Variants in AKAIN1 observed in about 807,000 individuals in gnomAD.
AKAIN1 encodes the protein A-kinase anchor inhibitor 1, also known as A-kinase anchor protein inhibitor 1.
A neutral mutation model predicts 3.7 loss-of-function variants in AKAIN1; 3 were observed. That is an observed-to-expected ratio of 0.82 (90% CI 0.37 to 2.12). The LOEUF is 2.12. AKAIN1 is among the 30% of genes most tolerant of loss of function. The pLI is 0.06. For missense variants in AKAIN1, 82 were observed against 82.7 expected (o/e 0.99, Z 0.03); for synonymous variants, 31 against 30.8 (o/e 1.01, Z -0.02).
intron 1 of AKAIN1, among the ~76,000 whole-genome samples, chr18:5,183,696 C>T (rs748055113): frequency 7.9e-5 from 12 of 152,104 alleles, no homozygotes; most frequent in Non-Finnish European, 5.9e-5. Flanking sequence ...TATAAAGTTA[C>T]TGCAAACACT....
rs2071037926 is a variant in AKAIN1, at chr18:5,144,533, T to G, written c.*1029A>C. On this transcript the variant is annotated 3_prime_UTR_variant, in exon 2 of 2. Transcript: ENST00000434239. ...ATCTCTGTCACTGCATTCAAAACAC[T>G]GTCACTTTACTGTCCCCATTGTGTT... Among the ~76,000 whole-genome samples, 1 of 152,230 alleles carries G rather than the reference T, an allele frequency of 6.6e-6. No homozygotes were observed. The highest frequency in any genetic ancestry group is 2.4e-5 in the African/African-American group (1 of 41,468).
intron 1 of AKAIN1, among the ~76,000 whole-genome samples, chr18:5,153,188 T>C (rs532249985): frequency 1.3e-5 from 2 of 152,304 alleles, no homozygotes; most frequent in East Asian, 3.9e-4. Flanking sequence ...ATTTAAATGA[T>C]ACAATATTAC....
chr18:5,155,861 G>A (rs897057509), intron 1 of AKAIN1, among the ~76,000 whole-genome samples: 1 of 152,200 alleles, frequency 6.6e-6, no homozygotes, highest in African/African-American at 2.4e-5. Flanking sequence ...CCTCTGCTAT[G>A]TCCTAGTGGT....
intron 1 of AKAIN1, among the ~76,000 whole-genome samples, chr18:5,193,582 G>A (rs980313112): frequency 6.6e-6 from 1 of 152,140 alleles, no homozygotes; most frequent in Non-Finnish European, 1.5e-5. Context: ...GTACTGAAAA[G>A]GCATTTGAAT....
chr18:5,158,185 A>T (rs2071119294), intron 1 of AKAIN1, among the ~76,000 whole-genome samples: 1 of 152,198 alleles, frequency 6.6e-6, no homozygotes, highest in African/African-American at 2.4e-5. Flanking sequence ...AGTATGGTTC[A>T]ATGAGTGGCT....
intron 1 of AKAIN1, among the ~76,000 whole-genome samples, chr18:5,191,723 T>C (rs140782225): frequency 1.8e-4 from 27 of 152,206 alleles, no homozygotes; most frequent in African/African-American, 4.8e-4. Context: ...CACTATTTGG[T>C]TTTAAGACTT....
chr18:5,174,579 A>G (rs1328159134), intron 1 of AKAIN1, among the ~76,000 whole-genome samples: 2 of 152,056 alleles, frequency 1.3e-5, no homozygotes, highest in Non-Finnish European at 2.9e-5. Flanking sequence ...TATCCCTACT[A>G]AAAATACAAA....
chr18:5,169,175 T>C (rs747577375), intron 1 of AKAIN1, among the ~76,000 whole-genome samples: 4 of 152,084 alleles, frequency 2.6e-5, no homozygotes, highest in Non-Finnish European at 5.9e-5. Context: ...AGAATCTTCT[T>C]TATTGGGAAA....
At chr18:5,154,722 A>G (rs1056487121) in intron 1 of AKAIN1, among the ~76,000 whole-genome samples, 1 of 151,872 alleles carries the variant, frequency 6.6e-6, no homozygotes, top group Non-Finnish European at 1.5e-5. Context: ...TAACGATTAA[A>G]CAGAAACTAG....
chr18:5,176,278 A>C (rs890665188), intron 1 of AKAIN1, among the ~76,000 whole-genome samples: 1 of 152,140 alleles, frequency 6.6e-6, no homozygotes, highest in Non-Finnish European at 1.5e-5. Flanking sequence ...ATCTCTACTA[A>C]AAATGTAAAA....
At chr18:5,157,112 T>C (rs1414367796) in intron 1 of AKAIN1, among the ~76,000 whole-genome samples, 2 of 152,198 alleles carry the variant, frequency 1.3e-5, no homozygotes, top group Non-Finnish European at 2.9e-5. Context: ...TTAACCAAGA[T>C]GAAGTATCAA....
At chr18:5,155,474 T>C (rs1416447121) in intron 1 of AKAIN1, among the ~76,000 whole-genome samples, 2 of 152,204 alleles carry the variant, frequency 1.3e-5, no homozygotes, top group Non-Finnish European at 2.9e-5. Flanking sequence ...CTGTTCCCTG[T>C]GCCCCTCCCC....
At chr18:5,146,721 A>G (rs1332485607) in intron 1 of AKAIN1, among the ~76,000 whole-genome samples, 2 of 152,220 alleles carry the variant, frequency 1.3e-5, no homozygotes, top group Non-Finnish European at 2.9e-5. Context: ...GATAGGAGAC[A>G]GTCTAAGTTC....
At chr18:5,192,284 A>G (rs1357668383) in intron 1 of AKAIN1, among the ~76,000 whole-genome samples, 1 of 152,200 alleles carries the variant, frequency 6.6e-6, no homozygotes, top group Non-Finnish European at 1.5e-5. Context: ...TCTGTCTTCC[A>G]GTCTGGAGTG....
rs1022080986 is a variant in AKAIN1 at position 5,183,583 on chromosome 18, A to T, written c.16+13455T>A. On this transcript the variant is annotated intron_variant, in intron 1 of 1. Coordinates refer to ENST00000434239, the MANE Select transcript of AKAIN1 (RefSeq NM_001145194.2). ...GCAGTTGATTTAAAAAGCAAAATTTAAAAAAAAACCCAGTGTTGACTATAA... is the reference window on the plus strand; with the variant it reads ...GCAGTTGATTTAAAAAGCAAAATTTTAAAAAAAACCCAGTGTTGACTATAA... 2.0e-4 allele frequency among the ~76,000 whole-genome samples: 25 copies of T among 123,862 alleles called. No individual in the cohort carries two copies. In the South Asian group the frequency reaches 2.7e-3, roughly 13 times the overall value. The allele number at this position is 123,862 out of a possible 152,430, so 81.3% of individuals were successfully genotyped here.
chr18:5,173,007 TATTTCACAGTTGGTTAA>T (rs1387867279), intron 1 of AKAIN1, among the ~76,000 whole-genome samples: 1 of 152,158 alleles, frequency 6.6e-6, no homozygotes, highest in East Asian at 1.9e-4. Flanking sequence ...GGGAAATATT[TATTTCACAGTTGGTTAA>T]AAATTATTGA....
At chr18:5,196,221 C>G (rs1205772677) in intron 1 of AKAIN1, among the ~76,000 whole-genome samples, 1 of 152,172 alleles carries the variant, frequency 6.6e-6, no homozygotes, top group Admixed American at 6.5e-5. Context: ...GAGAGAAATA[C>G]TTTGGATCTA....
At chr18:5,147,722 C>A (rs2071057105) in intron 1 of AKAIN1, among the ~76,000 whole-genome samples, 2 of 152,138 alleles carry the variant, frequency 1.3e-5, no homozygotes, top group Non-Finnish European at 2.9e-5. Flanking sequence ...GAGGGATTTG[C>A]AATCTAGTGA....
intron 1 of AKAIN1, among the ~76,000 whole-genome samples, chr18:5,171,991 A>G (rs937591791): frequency 2.0e-5 from 3 of 152,178 alleles, no homozygotes; most frequent in African/African-American, 7.2e-5. Flanking sequence ...CACATACATA[A>G]TGGAGTACTA....
Sources: gnomAD v4.1 joint callset for allele counts (sites outside exome capture counted in the v4.1 genomes callset) on GRCh38, gnomAD v4.1.1 for gene constraint, MANE v1.5 for transcripts, NCBI Gene and HGNC (gene_info 2026-07-23, HGNC 2026-07-21) for gene names.